ALPL: variants seen among roughly 807,000 people sequenced by gnomAD.
The protein encoded by ALPL is alkaline phosphatase, tissue-nonspecific isozyme.
A neutral mutation model predicts 51.3 loss-of-function variants in ALPL; 42 were observed. The ratio of observed to expected loss-of-function variants is 0.82; its 90% confidence interval spans 0.64 to 1.06. ALPL has a LOEUF of 1.06. ALPL is among the 50% of genes least tolerant of loss of function. ALPL has a pLI of 0.00. For synonymous variants in ALPL, 279 were observed against 296.4 expected (o/e 0.94, Z 0.60); for missense variants, 589 against 709.4 (o/e 0.83, Z 1.93).
chr1:21,573,730 T>A lies in ALPL; in HGVS notation c.928T>A (p.Ser310Thr), dbSNP rs765836269. ...GAACAACGTGACGGACCCGTCACTCTCCGAGATGGTGGTGGTGGCCATCCA... is the reference window on the plus strand; with the variant it reads ...GAACAACGTGACGGACCCGTCACTCACCGAGATGGTGGTGGTGGCCATCCA... ...NRNNVTDPSL[S>T]EMVVVAIQIL... Residue 310 changes from serine to threonine, a missense_variant, in exon 9 of 12, where the codon TCC becomes ACC. Coordinates refer to ENST00000374840, the MANE Select transcript of ALPL (RefSeq NM_000478.6). 2.5e-6 allele frequency: 4 copies of A among 1,614,088 alleles called. No homozygotes were observed. Among genetic ancestry groups the A allele is most frequent in the Non-Finnish European group, 3.4e-6 (4 of 1,180,004 alleles).
chr1:21,518,924 C>A (rs146283852), intron 1 of ALPL, among the ~76,000 whole-genome samples: 1 of 152,326 alleles, frequency 6.6e-6, no homozygotes, highest in African/African-American at 2.4e-5. Context: ...GAGATGCTAA[C>A]ACACTGAAGC....
chr1:21,577,422 G>A lies in ALPL; in HGVS notation c.1349G>A (p.Arg450His), dbSNP rs150799088. The change falls in exon 12 of 12, where the codon CGC (arginine) becomes CAC (histidine). Residue 450 changes from arginine (R) to histidine (H), a missense_variant. Transcript: ENST00000374840. ...CAGGCGCAGTCTGCTGTGCCCCTGC[G>A]CCACGAGACCCACGGCGGGGAGGAC... ...NYQAQSAVPL[R>H]HETHGGEDVA... is the part of the protein sequence containing the mutation. 5.7e-5 allele frequency: 92 copies of A among 1,613,154 alleles called. 1 individual carries two copies. Among genetic ancestry groups the A allele is most frequent in the South Asian group, 3.8e-4 (35 of 91,090 alleles).
In ALPL at chr1:21,554,360, A is replaced by AAT. The variant is rs545713804; in HGVS notation, c.61+228_61+229dup. On this transcript the variant is annotated intron_variant, in intron 2 of 11. Transcript: ENST00000374840. ...TATATACACACATACACATATATGA[A>AAT]ATATATATATACAAGGAAAATATAT... Among the ~76,000 whole-genome samples, 440 of 149,170 alleles carry AAT rather than the reference A, an allele frequency of 2.9e-3. 2 individuals carry two copies. The highest frequency in any genetic ancestry group is 0.025 in the East Asian group (129 of 5,128).
chr1:21,537,369 AC>A (rs1442172624), intron 1 of ALPL, among the ~76,000 whole-genome samples: 1 of 152,094 alleles, frequency 6.6e-6, no homozygotes, highest in African/African-American at 2.4e-5. Context: ...AGAGGAGCTG[AC>A]CCAGGAGGGA....
At chr1:21,537,616 A>G (rs1345780000) in intron 1 of ALPL, among the ~76,000 whole-genome samples, 2 of 151,916 alleles carry the variant, frequency 1.3e-5, no homozygotes, top group Admixed American at 1.3e-4. Context: ...ATGCAGCCCC[A>G]CTGAGGCAGG....
Position 21,578,040 on chromosome 1 carries a change from C to T in ALPL, c.*392C>T, listed in dbSNP as rs1283773299. On this transcript the variant is annotated 3_prime_UTR_variant, in exon 12 of 12. Coordinates refer to ENST00000374840, the MANE Select transcript of ALPL (RefSeq NM_000478.6). This position sits in a 1 kb window ranked among gnomAD's most constrained non-coding sequence, Gnocchi z 4.2. ...TCCCAGTCTCATCTCCTGACCCTCC[C>T]ACTCCCATCTCCTTACCTCTGGAAC... The T allele has an allele frequency of 1.0e-5, 3 of 288,576 alleles. No homozygotes were observed. The highest frequency in any genetic ancestry group is 2.0e-5 in the Non-Finnish European group (3 of 150,364). The allele number at this position is 288,576 out of a possible 1,614,324, so 17.9% of individuals were successfully genotyped here. A position where few individuals can be genotyped will look rare whatever the true frequency, so the allele number is the denominator to read the frequency against.
chr1:21,563,147 G>GCACCGC lies in ALPL; in HGVS notation c.343_348dup (p.Thr115_Ala116dup), dbSNP rs2148158314. 6.2e-7 allele frequency: 1 copy of GCACCGC among 1,613,758 alleles called. No individual in the cohort carries two copies. The highest frequency in any genetic ancestry group is 8.5e-7 in the Non-Finnish European group (1 of 1,180,000). ...AATGCCCAGGTCCCTGACAGTGCCG[G>GCACCGC]CACCGCCACCGCCTACCTGTGTGGG... is the stretch of plus-strand genomic sequence containing the variant. On this transcript the variant is annotated inframe_insertion, in exon 5 of 12. Coordinates refer to ENST00000374840, the MANE Select transcript of ALPL (RefSeq NM_000478.6).
At chr1:21,575,634 C>G (rs1644716901) in intron 9 of ALPL, 99 bp from the exon 10 acceptor site, 2 of 1,464,250 alleles carry the variant, frequency 1.4e-6, no homozygotes, top group Non-Finnish European at 1.9e-6. Flanking sequence ...CTGTCCTTCC[C>G]TAGCTAACAA....
chr1:21,571,643 G>C (rs1009918041), intron 8 of ALPL, among the ~76,000 whole-genome samples: 5 of 143,312 alleles, frequency 3.5e-5, no homozygotes, highest in Non-Finnish European at 7.5e-5. Context: ...CTGCACTCCA[G>C]CCTGGGTGAC....
intron 1 of ALPL, among the ~76,000 whole-genome samples, chr1:21,510,193 T>G (rs1218885726): frequency 6.6e-6 from 1 of 152,140 alleles, no homozygotes; most frequent in Non-Finnish European, 1.5e-5. Context: ...GAGGTGGGCC[T>G]CCCAGGGCTG....
intron 2 of ALPL, among the ~76,000 whole-genome samples, chr1:21,554,626 G>T (rs1055565939): frequency 9.3e-5 from 14 of 151,230 alleles, no homozygotes; most frequent in African/African-American, 3.2e-4. Context: ...AAGTAGCTGG[G>T]ACTACAGGTG....
At chr1:21,548,546 G>A (rs1644282044) in intron 1 of ALPL, among the ~76,000 whole-genome samples, 2 of 152,206 alleles carry the variant, frequency 1.3e-5, no homozygotes, top group African/African-American at 4.8e-5. Context: ...AGGGAGGAGA[G>A]ACAGACCAAT....
Position 21,577,630 on chromosome 1 carries a change from CCT to C in ALPL, c.1558_1559del (p.Leu520GlufsTer?), listed in dbSNP as rs1553415164. On this transcript the variant is annotated frameshift_variant, in exon 12 of 12. Transcript: ENST00000374840. LOFTEE classifies it high-confidence loss of function. Reference sequence around the variant, plus strand: ...TGCTGCTCGCGCTGGCCCTCTACCCCCTGAGCGTCCTGTTCTGAGGGCCCAGG... The same window carrying C: ...TGCTGCTCGCGCTGGCCCTCTACCCCGAGCGTCCTGTTCTGAGGGCCCAGG... ...PLLLALALYP[L>X]SVLF is the part of the protein sequence containing the mutation. 2 of 1,598,492 alleles carry C rather than the reference CCT, an allele frequency of 1.3e-6. No individual in the cohort carries two copies. The highest frequency in any genetic ancestry group is 1.7e-6 in the Non-Finnish European group (2 of 1,179,194).
At chr1:21,551,541 T>C (rs1370360404) in intron 1 of ALPL, 3 of 41,746 alleles carry the variant, frequency 7.2e-5, no homozygotes, top group African/African-American at 1.4e-4. Flanking sequence ...TTGGAAACCG[T>C]AAAGTAGAAC....
intron 1 of ALPL, among the ~76,000 whole-genome samples, chr1:21,530,017 C>T (rs911981971): frequency 6.6e-6 from 1 of 152,096 alleles, no homozygotes; most frequent in Non-Finnish European, 1.5e-5. Context: ...TCAAGTAATC[C>T]ACCCGCCTTG....
At position 21,575,976 on chromosome 1, in the gene ALPL, C is replaced by T. The variant is rs369967795; in HGVS notation, c.1189+52C>T. On this transcript the variant is annotated intron_variant, in intron 10 of 11. Coordinates refer to ENST00000374840, the MANE Select transcript of ALPL (RefSeq NM_000478.6). ...ACTCCTGGGGTCTCCTGTCTACCCACCTGGGAGCAGGAGTGGGTGGGAGAG... is the reference window on the plus strand; with the variant it reads ...ACTCCTGGGGTCTCCTGTCTACCCATCTGGGAGCAGGAGTGGGTGGGAGAG... The T allele has an allele frequency of 2.5e-6, 4 of 1,601,492 alleles. No individual in the cohort carries two copies. In the African/African-American group the frequency reaches 4.0e-5, roughly 16 times the overall value.
intron 1 of ALPL, among the ~76,000 whole-genome samples, chr1:21,536,544 T>A (rs566270696): frequency 6.6e-6 from 1 of 152,104 alleles, no homozygotes; most frequent in African/African-American, 2.4e-5. Flanking sequence ...AGACTCAAGG[T>A]CTCTACCTTT....
intron 2 of ALPL, among the ~76,000 whole-genome samples, chr1:21,559,207 G>C (rs1250825719): frequency 1.3e-5 from 2 of 152,208 alleles, no homozygotes; most frequent in African/African-American, 4.8e-5. Context: ...CCTTGAAAGA[G>C]GAAACCGCTA....
At chr1:21,512,097 T>C (rs1056039005) in intron 1 of ALPL, among the ~76,000 whole-genome samples, 2 of 152,214 alleles carry the variant, frequency 1.3e-5, no homozygotes, top group African/African-American at 4.8e-5. Context: ...GTGAGCAAGC[T>C]GGGCTGAGAA....
Sources: gnomAD v4.1 joint callset for allele counts (sites outside exome capture counted in the v4.1 genomes callset) on GRCh38, gnomAD v4.1.1 for gene constraint, Gnocchi (gnomAD v3.1) non-coding constraint, MANE v1.5 for transcripts, NCBI Gene and HGNC (gene_info 2026-07-23, HGNC 2026-07-21) for gene names.